Variants in HHAT observed in about 807,000 individuals in gnomAD.
The protein encoded by HHAT is protein-cysteine N-palmitoyltransferase HHAT.
In HHAT, 47 loss-of-function variants were observed where a neutral mutation model predicts 70.8. That is an observed-to-expected ratio of 0.66 (90% CI 0.53 to 0.85). The LOEUF is 0.85. Among genes scored for constraint, HHAT ranks in the 40% least tolerant of loss-of-function variants. HHAT has a pLI of 0.00. For synonymous variants in HHAT, 228 were observed against 247.6 expected (o/e 0.92, Z 0.74); for missense variants, 609 against 604.8 (o/e 1.01, Z -0.07).
intron 10 of HHAT, among the ~76,000 whole-genome samples, chr1:210,619,145 T>C (rs1163381460): frequency 6.6e-6 from 1 of 152,150 alleles, no homozygotes; most frequent in Non-Finnish European, 1.5e-5. Flanking sequence ...CCCTTGCACC[T>C]GAAGAGTGGG....
intron 6 of HHAT, among the ~76,000 whole-genome samples, chr1:210,408,699 A>G (rs994939391): frequency 6.6e-5 from 10 of 152,194 alleles, no homozygotes; most frequent in African/African-American, 2.4e-4. Context: ...GGATGGGGGC[A>G]GTCCAAGAGT....
chr1:210,631,157 C>T, intron 11 of HHAT: 1 of 455,176 alleles, frequency 2.2e-6, no homozygotes, highest in Non-Finnish European at 4.4e-6. Context: ...AATTGTCCAG[C>T]TACTAAGCAG....
intron 7 of HHAT, among the ~76,000 whole-genome samples, chr1:210,437,633 A>C (rs2093409336): frequency 6.6e-6 from 1 of 151,862 alleles, no homozygotes. Context: ...ACGGCTGTGG[A>C]AAGAGGCTGG....
chr1:210,629,837 T>G (rs201646846), intron 11 of HHAT, among the ~76,000 whole-genome samples: 1 of 104,052 alleles, frequency 9.6e-6, no homozygotes. Context: ...GTTTTTTTTT[T>G]GTTTTTTGTT....
chr1:210,539,183 A>G (rs1037588182), intron 9 of HHAT, among the ~76,000 whole-genome samples: 1 of 152,234 alleles, frequency 6.6e-6, no homozygotes, highest in African/African-American at 2.4e-5. Context: ...ACAAGAGACA[A>G]GGGTTACTTA....
intron 1 of HHAT, among the ~76,000 whole-genome samples, chr1:210,331,252 G>T (rs961915330): frequency 6.6e-6 from 1 of 152,084 alleles, no homozygotes; most frequent in African/African-American, 2.4e-5. Context: ...TCCCATCTGG[G>T]GGGGTGTGTT....
At chr1:210,457,301 G>C (rs1329651548) in intron 7 of HHAT, among the ~76,000 whole-genome samples, 1 of 151,760 alleles carries the variant, frequency 6.6e-6, no homozygotes, top group Non-Finnish European at 1.5e-5. Context: ...TATATGAGAG[G>C]TTCTTATAAA....
At chr1:210,440,998 C>G (rs566710093) in intron 7 of HHAT, among the ~76,000 whole-genome samples, 29 of 152,162 alleles carry the variant, frequency 1.9e-4, no homozygotes, top group Non-Finnish European at 3.7e-4. Flanking sequence ...AGGACTGAAT[C>G]CAGGCTATGC....
intron 10 of HHAT, among the ~76,000 whole-genome samples, chr1:210,623,213 A>T (rs1669203014): frequency 6.6e-6 from 1 of 152,102 alleles, no homozygotes; most frequent in Non-Finnish European, 1.5e-5. Flanking sequence ...CTGGGACTAC[A>T]GTCATATGCC....
chr1:210,436,170 C>G (rs1041000979), intron 7 of HHAT, among the ~76,000 whole-genome samples: 14 of 151,812 alleles, frequency 9.2e-5, no homozygotes, highest in African/African-American at 3.4e-4. Flanking sequence ...TTTGGTTCTT[C>G]TGCATGTGGT....
At chr1:210,486,474 G>A (rs1191394868) in intron 8 of HHAT, among the ~76,000 whole-genome samples, 1 of 152,162 alleles carries the variant, frequency 6.6e-6, no homozygotes, top group South Asian at 2.1e-4. Flanking sequence ...TCTAGATGCT[G>A]GGTCCCCTTT....
At chr1:210,671,351 G>C (rs919439168) in intron 11 of HHAT, among the ~76,000 whole-genome samples, 1 of 152,192 alleles carries the variant, frequency 6.6e-6, no homozygotes, top group Admixed American at 6.5e-5. Context: ...CCTGGCATCT[G>C]TGCCTGAGCC....
At chr1:210,483,883 G>A (rs955955585) in intron 8 of HHAT, among the ~76,000 whole-genome samples, 7 of 152,118 alleles carry the variant, frequency 4.6e-5, no homozygotes, top group African/African-American at 1.2e-4. Flanking sequence ...AGGATAAATC[G>A]ATTTTTGCCA....
At chr1:210,522,433 G>A (rs1321822164) in intron 9 of HHAT, among the ~76,000 whole-genome samples, 1 of 152,162 alleles carries the variant, frequency 6.6e-6, no homozygotes, top group Non-Finnish European at 1.5e-5. Context: ...GAAGAGACCC[G>A]GGTAACCAAA....
intron 7 of HHAT, among the ~76,000 whole-genome samples, chr1:210,437,196 G>A (rs1220110570): frequency 6.6e-6 from 1 of 151,884 alleles, no homozygotes; most frequent in Non-Finnish European, 1.5e-5. Flanking sequence ...ACCTTTGATA[G>A]ACTATTCTGT....
chr1:210,637,516 A>G (rs1490309715), intron 11 of HHAT, among the ~76,000 whole-genome samples: 1 of 152,182 alleles, frequency 6.6e-6, no homozygotes, highest in Non-Finnish European at 1.5e-5. Context: ...TAATGATGAG[A>G]AACTTGTATC....
At chr1:210,336,427 C>T (rs56226930) in intron 1 of HHAT, among the ~76,000 whole-genome samples, 3,854 of 151,632 alleles carry the variant, frequency 0.025, 161 homozygotes, top group African/African-American at 0.088. Context: ...TGCCTCTGGC[C>T]TGGCGTGCAG....
intron 10 of HHAT, among the ~76,000 whole-genome samples, chr1:210,619,598 C>A (rs1224433960): frequency 6.6e-6 from 1 of 152,156 alleles, no homozygotes; most frequent in Non-Finnish European, 1.5e-5. Flanking sequence ...CTCAACAGGG[C>A]TCTGCTGACC....
At chr1:210,658,679 A>G (rs1676991443) in intron 11 of HHAT, among the ~76,000 whole-genome samples, 1 of 152,214 alleles carries the variant, frequency 6.6e-6, no homozygotes, top group South Asian at 2.1e-4. Flanking sequence ...CTGACCACAT[A>G]GTTGGAAGTG....
Sources: gnomAD v4.1 joint callset for allele counts (sites outside exome capture counted in the v4.1 genomes callset) on GRCh38, gnomAD v4.1.1 for gene constraint, MANE v1.5 for transcripts, NCBI Gene and HGNC (gene_info 2026-07-23, HGNC 2026-07-21) for gene names.